The following CARD8 variants were observed in gnomAD, a reference collection of about 807,000 sequenced individuals.
CARD8 encodes the protein caspase recruitment domain-containing protein 8.
In CARD8, 38 loss-of-function variants were observed where a neutral mutation model predicts 53.2. That is an observed-to-expected ratio of 0.71 (90% CI 0.55 to 0.94). The LOEUF (loss-of-function observed/expected upper bound fraction) is 0.94, where lower values mean the gene tolerates loss of function less well. CARD8 is among the 40% of genes least tolerant of loss of function. The pLI, the probability that CARD8 is intolerant of heterozygous loss-of-function variation, is 0.00. For missense variants in CARD8, 561 were observed against 655.5 expected (o/e 0.86, Z 1.57); for synonymous variants, 245 against 244.9 (o/e 1.00, Z 0.00).
At chr19:48,253,484 G>T (rs1286385069) in intron 1 of CARD8, among the ~76,000 whole-genome samples, 2 of 152,102 alleles carry the variant, frequency 1.3e-5, no homozygotes, top group Non-Finnish European at 2.9e-5. Flanking sequence ...CATATACATG[G>T]TTATTAAAAA....
At chr19:48,204,018 T>G (rs375414716), downstream of CARD8, 3 of 378,290 alleles carry the variant, frequency 7.9e-6, no homozygotes, top group Admixed American at 9.1e-5. Flanking sequence ...ATGTGCAGGC[T>G]GCGGGGTGTT....
chr19:48,233,032 C>T, intron 6 of CARD8: 1 of 354,022 alleles, frequency 2.8e-6, no homozygotes, highest in South Asian at 2.2e-5. Flanking sequence ...AAAATGTATG[C>T]ATTTATATTC....
At chr19:48,241,934 G>C (rs746223677) in intron 3 of CARD8, among the ~76,000 whole-genome samples, 1 of 152,066 alleles carries the variant, frequency 6.6e-6, no homozygotes, top group Admixed American at 6.5e-5. Context: ...ACCACAATCA[G>C]TTTTAGGACA....
At chr19:48,234,897 A>G (rs1003072534) in intron 5 of CARD8, among the ~76,000 whole-genome samples, 1 of 152,186 alleles carries the variant, frequency 6.6e-6, no homozygotes, top group Non-Finnish European at 1.5e-5. Flanking sequence ...TTTTAGGGAA[A>G]GGATGAGATT....
rs113740488 is a variant in CARD8, at chr19:48,252,808, T to TATATATACACACACAC, written c.-251-2962_-251-2961insGTGTGTGTGTATATAT. On this transcript the variant is annotated intron_variant, in intron 1 of 13. Transcript: ENST00000651546. ...CCACCGCACTGGCCTTATCAGTATA[T>TATATATACACACACAC]ACACACACACACACACACACACACA... is the stretch of plus-strand genomic sequence containing the variant. Among the ~76,000 whole-genome samples, 120 of 148,296 alleles carry TATATATACACACACAC rather than the reference T, an allele frequency of 8.1e-4. 1 individual carries two copies. Among genetic ancestry groups the TATATATACACACACAC allele is most frequent in the Middle Eastern group, 3.4e-3 (1 of 290 alleles).
downstream of CARD8, among the ~76,000 whole-genome samples, chr19:48,205,263 G>A (rs578068006): frequency 4.5e-4 from 68 of 152,138 alleles, no homozygotes; most frequent in African/African-American, 1.6e-3. Context: ...GGAGTCTTAC[G>A]CTGTCGCCCA....
rs368750714 is a variant in CARD8, at chr19:48,230,422, A to C, written c.1035+16T>G. 4.3e-4 allele frequency: 684 copies of C among 1,588,902 alleles called. 3 individuals carry two copies. Among genetic ancestry groups the C allele is most frequent in the Non-Finnish European group, 1.3e-4 (148 of 1,166,440 alleles). On this transcript the variant is annotated intron_variant, in intron 10 of 13. Transcript: ENST00000651546. Reference sequence around the variant, plus strand: ...TAATCGTCATCTTCTCTGGTCTCCTAAATCACTCAGCTTACCTTTGTTAGC... The same window carrying C: ...TAATCGTCATCTTCTCTGGTCTCCTCAATCACTCAGCTTACCTTTGTTAGC...
In CARD8 at chr19:48,231,075, AG is replaced by A. The variant is rs975896025; in HGVS notation, c.543-70del. ...CTTGGATTTAAGCAGCGATGTGCAG[AG>A]GGAGGTGGGATTTGAAGTGAGGCAA... On this transcript the variant is annotated intron_variant, in intron 8 of 13. Coordinates refer to ENST00000651546, the MANE Select transcript of CARD8 (RefSeq NM_001184900.3). 8 of 1,301,886 alleles carry A rather than the reference AG, an allele frequency of 6.1e-6. No homozygotes were observed. In the African/African-American group the frequency reaches 1.2e-4, roughly 19 times the overall value. The allele number at this position is 1,301,886 out of a possible 1,614,324, so 80.6% of individuals were successfully genotyped here.
intron 12 of CARD8, 27 bp from the exon 13 acceptor site, chr19:48,215,411 T>C: frequency 2.0e-6 from 3 of 1,510,676 alleles, no homozygotes; most frequent in Non-Finnish European, 2.8e-6. Flanking sequence ...AATTATATGA[T>C]GAGATGAGAT....
At position 48,234,541 on chromosome 19, in the gene CARD8, A is replaced by T. The variant is rs761941422; in HGVS notation, c.212T>A (p.Val71Glu). 1.2e-6 allele frequency: 2 copies of T among 1,611,626 alleles called. No homozygotes were observed. The highest frequency in any genetic ancestry group is 8.5e-7 in the Non-Finnish European group (1 of 1,179,218). The change falls in exon 6 of 14, where the codon GTA becomes GAA. Residue 71 changes from valine (V) to glutamate (E), a missense_variant and splice_region_variant. Transcript: ENST00000651546. ...AGAAACACAGGGTAGCTCCCTGTATACCCTGGAAAACAACAACAGAATTTT... is the reference window on the plus strand; with the variant it reads ...AGAAACACAGGGTAGCTCCCTGTATTCCCTGGAAAACAACAACAGAATTTT... ...QAEACVTNDT[V>E]YRELPCVSET... is the part of the protein sequence containing the mutation.
intron 3 of CARD8, among the ~76,000 whole-genome samples, chr19:48,245,111 A>T (rs2045887768): frequency 6.6e-6 from 1 of 152,284 alleles, no homozygotes; most frequent in African/African-American, 2.4e-5. Context: ...GAAGGAGATT[A>T]AACTATAACT....
chr19:48,245,684 T>C (rs941798119), intron 3 of CARD8, among the ~76,000 whole-genome samples: 5 of 151,220 alleles, frequency 3.3e-5, no homozygotes, highest in Admixed American at 6.6e-5. Context: ...ATTTTAAACA[T>C]TGAAAAATAG....
downstream of CARD8, among the ~76,000 whole-genome samples, chr19:48,206,816 C>T (rs1361566556): frequency 6.6e-6 from 1 of 152,272 alleles, no homozygotes; most frequent in East Asian, 1.9e-4. Flanking sequence ...ACACCAAGAA[C>T]CCTAACAACT....
At chr19:48,218,574 G>C (rs777299184) in intron 12 of CARD8, among the ~76,000 whole-genome samples, 5 of 151,788 alleles carry the variant, frequency 3.3e-5, no homozygotes, top group African/African-American at 1.2e-4. Flanking sequence ...GGCTGGTCTC[G>C]AACTCCCGAC....
chr19:48,222,691 C>T (rs1365026876), intron 10 of CARD8, among the ~76,000 whole-genome samples: 1 of 115,122 alleles, frequency 8.7e-6, no homozygotes, highest in Admixed American at 8.9e-5. Flanking sequence ...TCTGTCTCAC[C>T]AAAAAAAAAA....
chr19:48,220,993 G>GGAAGGAAGGAAA (rs2040468099), intron 11 of CARD8, among the ~76,000 whole-genome samples: 6 of 106,976 alleles, frequency 5.6e-5, no homozygotes, highest in East Asian at 5.5e-4. Context: ...AAGGAAGGAA[G>GGAAGGAAGGAAA]GAAAGAAAGA....
Position 48,211,567 on chromosome 19 carries a change from C to G in CARD8, c.*143G>C. 2 of 752,508 alleles carry G rather than the reference C, an allele frequency of 2.7e-6. No individual in the cohort carries two copies. The highest frequency in any genetic ancestry group is 3.6e-5 in the South Asian group (2 of 55,952). 46.6% of individuals were successfully genotyped at this position (752,508 alleles called of 1,614,324 possible). A position where few individuals can be genotyped will look rare whatever the true frequency, so the allele number is the denominator to read the frequency against. ...CAGTCAATAGGTACATGCCAGGTTA[C>G]AAGTCTGTCCTGAAAGCCTGTGTGA... On this transcript the variant is annotated 3_prime_UTR_variant, in exon 14 of 14. Coordinates refer to ENST00000651546, the MANE Select transcript of CARD8 (RefSeq NM_001184900.3).
At chr19:48,217,111 C>T (rs1354157757) in intron 12 of CARD8, among the ~76,000 whole-genome samples, 1 of 151,966 alleles carries the variant, frequency 6.6e-6, no homozygotes, top group Non-Finnish European at 1.5e-5. Context: ...ACCACTGATC[C>T]GACAGGAGGC....
chr19:48,212,193 C>T (rs2038126995), intron 13 of CARD8, among the ~76,000 whole-genome samples: 1 of 152,180 alleles, frequency 6.6e-6, no homozygotes, highest in Non-Finnish European at 1.5e-5. Context: ...TTCCTCAGTC[C>T]TACTCCTCTC....
Sources: allele counts gnomAD v4.1 joint callset (sites outside exome capture counted in the v4.1 genomes callset), GRCh38; gene constraint gnomAD v4.1.1; transcripts MANE v1.5; gene names NCBI Gene and HGNC (gene_info 2026-07-23, HGNC 2026-07-21).